Variants in WWOX observed in about 807,000 individuals in gnomAD.
The protein encoded by WWOX is WW domain-containing oxidoreductase.
Under a neutral mutation model 46.2 loss-of-function variants are expected in WWOX, and 69 were observed. That is an observed-to-expected ratio of 1.49 (90% CI 1.23 to 1.82). WWOX has a LOEUF of 1.82. Among genes scored for constraint, WWOX ranks in the 40% most tolerant of loss-of-function variants. The pLI, the probability that WWOX is intolerant of heterozygous loss-of-function variation, is 0.00. For missense variants in WWOX, 919 were observed against 542.6 expected (o/e 1.69, Z -6.89); for synonymous variants, 359 against 202.6 (o/e 1.77, Z -6.56).
At chr16:78,535,406 G>A (rs1271382883) in intron 8 of WWOX, 2 of 152,142 alleles carry the variant, frequency 1.3e-5, no homozygotes, top group Admixed American at 6.6e-5. Flanking sequence ...TTTATTGTGT[G>A]GCAGCTAATT....
intron 8 of WWOX, among the ~76,000 whole-genome samples, chr16:78,846,490 C>G (rs2052302370): frequency 1.3e-5 from 2 of 151,832 alleles, no homozygotes; most frequent in South Asian, 4.2e-4. Flanking sequence ...TGTAGAATGC[C>G]CGTAATTTGG....
chr16:78,697,689 G>GT (rs903151557), intron 8 of WWOX, among the ~76,000 whole-genome samples: 4 of 152,152 alleles, frequency 2.6e-5, no homozygotes, highest in African/African-American at 7.2e-5. Flanking sequence ...GCTAATTTAA[G>GT]TGTTCTGAAC....
chr16:79,071,482 T>G (rs891975803), intron 8 of WWOX, among the ~76,000 whole-genome samples: 6 of 152,244 alleles, frequency 3.9e-5, no homozygotes, highest in African/African-American at 1.4e-4. Context: ...AGTTTCATTT[T>G]GTTTTCTCTC....
chr16:78,830,898 A>C (rs2051802768), intron 8 of WWOX, among the ~76,000 whole-genome samples: 1 of 152,108 alleles, frequency 6.6e-6, no homozygotes, highest in Non-Finnish European at 1.5e-5. Context: ...CCATCAGGTC[A>C]GGTGCGTCTT....
At chr16:78,933,901 C>T (rs368547308) in intron 8 of WWOX, among the ~76,000 whole-genome samples, 7 of 151,562 alleles carry the variant, frequency 4.6e-5, no homozygotes, top group East Asian at 1.9e-4. Flanking sequence ...CATATCAAAA[C>T]ATAACTATAG....
chr16:78,333,619 G>A (rs2080815405), intron 5 of WWOX, among the ~76,000 whole-genome samples: 1 of 152,134 alleles, frequency 6.6e-6, no homozygotes, highest in Admixed American at 6.6e-5. Flanking sequence ...CTTAATTGAT[G>A]TTAATTGAGA....
rs1241817177 is a variant in WWOX, at chr16:78,424,317, A to T, written c.606-553A>T. On this transcript the variant is annotated intron_variant, in intron 6 of 8. Coordinates refer to ENST00000566780, the MANE Select transcript of WWOX (RefSeq NM_016373.4). ...TGTGTTTTGACAGAGATGGGGTTTC[A>T]CCATGTTGGTCAGGCTGGTCTCAAA... Among the ~76,000 whole-genome samples the T allele has an allele frequency of 2.0e-5, 3 of 151,584 alleles. No homozygotes were observed. In the East Asian group the frequency reaches 5.8e-4, roughly 29 times the overall value.
chr16:78,628,352 G>C (rs1296089874), intron 8 of WWOX, among the ~76,000 whole-genome samples: 1 of 152,014 alleles, frequency 6.6e-6, no homozygotes, highest in Non-Finnish European at 1.5e-5. Context: ...CCCTTTGTTT[G>C]CTCTAAATAT....
chr16:78,976,344 C>T (rs999067099), intron 8 of WWOX, among the ~76,000 whole-genome samples: 1 of 152,206 alleles, frequency 6.6e-6, no homozygotes, highest in African/African-American at 2.4e-5. Flanking sequence ...TGCTTTTGCT[C>T]ATGGTACCTC....
rs571951724 is a variant in WWOX at position 78,780,060 on chromosome 16, G to C, written c.1056+347308G>C. On this transcript the variant is annotated intron_variant, in intron 8 of 8. Coordinates refer to ENST00000566780, the MANE Select transcript of WWOX (RefSeq NM_016373.4). ...AAGCCATATGGATACTTTTTCTCAA[G>C]TGTTGAAATAAATTAATGGTGTGGC... Among the ~76,000 whole-genome samples the C allele has an allele frequency of 5.3e-5, 8 of 152,252 alleles. No individual in the cohort carries two copies. The East Asian group carries it at 1.5e-3, about 29-fold the overall frequency.
chr16:78,897,946 C>T (rs1045683177), intron 8 of WWOX: 3 of 151,958 alleles, frequency 2.0e-5, no homozygotes, highest in East Asian at 1.9e-4. Flanking sequence ...AACTCATTGG[C>T]CGTTCATATA....
chr16:78,646,812 A>G (rs1049382362), intron 8 of WWOX, among the ~76,000 whole-genome samples: 7 of 152,212 alleles, frequency 4.6e-5, no homozygotes, highest in African/African-American at 7.2e-5. Flanking sequence ...GACCATGCCT[A>G]GAATCGCCTT....
At chr16:79,138,334 C>A (rs1222490686) in intron 8 of WWOX, among the ~76,000 whole-genome samples, 1 of 152,132 alleles carries the variant, frequency 6.6e-6, no homozygotes, top group African/African-American at 2.4e-5. Flanking sequence ...CACTTCTCAA[C>A]TTGGGAGTCC....
chr16:78,228,992 G>A (rs2037160352), intron 5 of WWOX, among the ~76,000 whole-genome samples: 2 of 152,162 alleles, frequency 1.3e-5, no homozygotes, highest in South Asian at 4.1e-4. Context: ...TTTGCACCTT[G>A]TGTTGTTTGT....
chr16:78,558,142 G>A lies in WWOX; in HGVS notation c.1056+125390G>A, dbSNP rs191394669. On this transcript the variant is annotated intron_variant, in intron 8 of 8. Transcript: ENST00000566780. ...TCAGAGAGGTTTGCTTTCACTCCTGGGCAGCAGCTGCCCTGGCTGCTGCCA... is the reference window on the plus strand; with the variant it reads ...TCAGAGAGGTTTGCTTTCACTCCTGAGCAGCAGCTGCCCTGGCTGCTGCCA... Among the ~76,000 whole-genome samples the A allele has an allele frequency of 2.7e-3, 414 of 152,136 alleles. 2 individuals are homozygous for A. Among genetic ancestry groups the A allele is most frequent in the Non-Finnish European group, 3.0e-3 (201 of 68,020 alleles).
chr16:78,322,362 A>G (rs1430941444), intron 5 of WWOX, among the ~76,000 whole-genome samples: 2 of 152,144 alleles, frequency 1.3e-5, no homozygotes, highest in Non-Finnish European at 2.9e-5. Flanking sequence ...GTATTTCTGA[A>G]GTTTTTCTTA....
chr16:78,905,884 A>G (rs535830977), intron 8 of WWOX, among the ~76,000 whole-genome samples: 25 of 152,302 alleles, frequency 1.6e-4, no homozygotes, highest in African/African-American at 6.0e-4. Context: ...GCCCAAAGTC[A>G]TTAGTGTCGG....
chr16:78,894,018 C>CA (rs1555561407), intron 8 of WWOX, among the ~76,000 whole-genome samples: 1 of 33,722 alleles, frequency 3.0e-5, no homozygotes, highest in African/African-American at 8.0e-5. Context: ...TTTATTGAGG[C>CA]TTTTATTATT....
chr16:79,067,617 C>G (rs565254914), intron 8 of WWOX, among the ~76,000 whole-genome samples: 4 of 92,450 alleles, frequency 4.3e-5, no homozygotes, highest in Admixed American at 1.7e-4. Flanking sequence ...TTAATTTGTG[C>G]GTGTGGGTGG....
Sources: allele counts gnomAD v4.1 joint callset (sites outside exome capture counted in the v4.1 genomes callset), GRCh38; gene constraint gnomAD v4.1.1; transcripts MANE v1.5; gene names NCBI Gene and HGNC (gene_info 2026-07-23, HGNC 2026-07-21).